NDUFAF2: variants seen among roughly 807,000 people sequenced by gnomAD.
NDUFAF2 encodes the protein NADH dehydrogenase [ubiquinone] 1 alpha subcomplex assembly factor 2.
In NDUFAF2, 13 loss-of-function variants were observed where a neutral mutation model predicts 22.8. The ratio of observed to expected loss-of-function variants is 0.57; its 90% CI spans 0.37 to 0.91. The LOEUF is 0.91. Ranked by LOEUF, NDUFAF2 falls within the 40% of genes least tolerant of loss-of-function variation. The pLI is 0.01. For missense variants in NDUFAF2, 162 were observed against 195.2 expected (o/e 0.83, Z 1.01); for synonymous variants, 53 against 64.2 (o/e 0.83, Z 0.84).
intron 1 of NDUFAF2, among the ~76,000 whole-genome samples, chr5:60,980,705 A>G (rs1011455968): frequency 6.6e-6 from 1 of 152,132 alleles, no homozygotes; most frequent in African/African-American, 2.4e-5. Flanking sequence ...TCTGGGAGAC[A>G]GATGTTGCAG....
intron 1 of NDUFAF2, among the ~76,000 whole-genome samples, chr5:61,020,708 G>C (rs1172025371): frequency 6.6e-6 from 1 of 151,580 alleles, no homozygotes; most frequent in Non-Finnish European, 1.5e-5. Flanking sequence ...TTATTTTTTT[G>C]AGACAGAGTC....
chr5:61,075,244 A>G (rs1327458158), intron 2 of NDUFAF2, among the ~76,000 whole-genome samples: 1 of 152,206 alleles, frequency 6.6e-6, no homozygotes, highest in Non-Finnish European at 1.5e-5. Flanking sequence ...TGTGGTAGCT[A>G]TAGGCATTAT....
intron 3 of NDUFAF2, among the ~76,000 whole-genome samples, chr5:61,149,218 G>T (rs776131209): frequency 1.3e-5 from 2 of 152,152 alleles, no homozygotes; most frequent in Non-Finnish European, 2.9e-5. Context: ...TGATCTGCCC[G>T]CTTTGACCTC....
chr5:61,069,395 TATAAG>T (rs1752268320), intron 1 of NDUFAF2, among the ~76,000 whole-genome samples: 1 of 152,202 alleles, frequency 6.6e-6, no homozygotes, highest in Non-Finnish European at 1.5e-5. Context: ...AACTGTGGTC[TATAAG>T]ATGACTTTAG....
intron 1 of NDUFAF2, among the ~76,000 whole-genome samples, chr5:60,988,424 A>G (rs1443983372): frequency 6.6e-6 from 1 of 152,222 alleles, no homozygotes; most frequent in Non-Finnish European, 1.5e-5. Flanking sequence ...AACTAGAAAA[A>G]AACTTTTAAA....
chr5:61,114,623 T>G (rs928776864), intron 3 of NDUFAF2: 1 of 152,120 alleles, frequency 6.6e-6, no homozygotes, highest in African/African-American at 2.4e-5. Context: ...ATTGAAGAAT[T>G]TGGTATTTAT....
At chr5:61,094,540 T>TGTG (rs915038590) in intron 2 of NDUFAF2, among the ~76,000 whole-genome samples, 1 of 152,238 alleles carries the variant, frequency 6.6e-6, no homozygotes, top group Non-Finnish European at 1.5e-5. Flanking sequence ...GGAGAGGTGA[T>TGTG]GTGGTCATTT....
At chr5:60,945,490 G>T in intron 1 of NDUFAF2, 108 bp downstream of exon 1, 1 of 1,484,564 alleles carries the variant, frequency 6.7e-7, no homozygotes, top group Non-Finnish European at 9.4e-7. Context: ...GACACTTAGG[G>T]TGTCACCGGA....
intron 2 of NDUFAF2, among the ~76,000 whole-genome samples, chr5:61,088,916 T>G (rs1016587699): frequency 1.3e-5 from 2 of 152,132 alleles, no homozygotes; most frequent in Non-Finnish European, 2.9e-5. Flanking sequence ...GGATGCAGAC[T>G]ATTGATAACC....
At chr5:60,999,323 A>C (rs1215800798) in intron 1 of NDUFAF2, among the ~76,000 whole-genome samples, 1 of 152,094 alleles carries the variant, frequency 6.6e-6, no homozygotes, top group African/African-American at 2.4e-5. Context: ...CCAATCATCT[A>C]TCAATGGATG....
At chr5:60,953,153 C>T (rs1014678963) in intron 1 of NDUFAF2, among the ~76,000 whole-genome samples, 3 of 151,986 alleles carry the variant, frequency 2.0e-5, no homozygotes, top group Non-Finnish European at 4.4e-5. Context: ...GTGTAGAAAA[C>T]CACACCAAGG....
chr5:60,981,201 CAAAT>C (rs1750972762), intron 1 of NDUFAF2, among the ~76,000 whole-genome samples: 2 of 152,020 alleles, frequency 1.3e-5, no homozygotes, highest in Non-Finnish European at 2.9e-5. Flanking sequence ...AGAAAAGAAA[CAAAT>C]AACATACAAT....
chr5:61,094,288 T>A (rs1752607846), intron 2 of NDUFAF2, among the ~76,000 whole-genome samples: 1 of 152,216 alleles, frequency 6.6e-6, no homozygotes, highest in African/African-American at 2.4e-5. Context: ...TTATTAATAC[T>A]TGTGATTGCA....
intron 1 of NDUFAF2, among the ~76,000 whole-genome samples, chr5:60,984,251 T>A (rs1751035324): frequency 6.6e-6 from 1 of 152,224 alleles, no homozygotes; most frequent in Non-Finnish European, 1.5e-5. Flanking sequence ...TGATTTTGTA[T>A]CCTGAGACTT....
chr5:61,060,596 C>T (rs17590149), intron 1 of NDUFAF2, among the ~76,000 whole-genome samples: 4,651 of 152,142 alleles, frequency 0.031, 121 homozygotes, highest in East Asian at 0.12. Flanking sequence ...ATCACCATTC[C>T]TCCAACCCAG....
At chr5:61,087,892 T>C (rs1752523039) in intron 2 of NDUFAF2, among the ~76,000 whole-genome samples, 1 of 152,146 alleles carries the variant, frequency 6.6e-6, no homozygotes, top group African/African-American at 2.4e-5. Flanking sequence ...ATTACCACAA[T>C]AATAATAGCT....
chr5:61,016,105 G>C (rs1399710119), intron 1 of NDUFAF2, among the ~76,000 whole-genome samples: 2 of 152,086 alleles, frequency 1.3e-5, no homozygotes, highest in Non-Finnish European at 2.9e-5. Flanking sequence ...AGAATCGCTT[G>C]AACCCAGGAG....
At chr5:60,945,517 CG>C in intron 1 of NDUFAF2, 135 bp downstream of exon 1, 1 of 1,317,026 alleles carries the variant, frequency 7.6e-7, no homozygotes, top group Non-Finnish European at 1.1e-6. Context: ...TTCCCGAGTT[CG>C]TTCTCCCCTG....
intron 1 of NDUFAF2, among the ~76,000 whole-genome samples, chr5:61,066,631 A>G (rs1294586234): frequency 2.0e-5 from 3 of 152,074 alleles, no homozygotes; most frequent in Non-Finnish European, 4.4e-5. Context: ...AAATCTGCGG[A>G]TGATCAATTC....
Sources: allele counts gnomAD v4.1 joint callset (sites outside exome capture counted in the v4.1 genomes callset), GRCh38; gene constraint gnomAD v4.1.1; transcripts MANE v1.5; gene names NCBI Gene and HGNC (gene_info 2026-07-23, HGNC 2026-07-21).